ELMO1: variants seen among roughly 807,000 people sequenced by gnomAD.
ELMO1 encodes engulfment and cell motility protein 1.
A neutral mutation model predicts 98.9 loss-of-function variants in ELMO1; 26 were observed. The observed-to-expected ratio is 0.26, with a 90% confidence interval of 0.19 to 0.36. ELMO1 has a LOEUF of 0.36. ELMO1 is among the 10% of genes least tolerant of loss of function. The pLI is 1.00. For synonymous variants in ELMO1, 346 were observed against 346.0 expected (o/e 1.00, Z 0.00); for missense variants, 627 against 935.2 (o/e 0.67, Z 4.30).
chr7:37,395,419 A>G (rs919683920), intron 1 of ELMO1, among the ~76,000 whole-genome samples: 7 of 148,394 alleles, frequency 4.7e-5, no homozygotes, highest in Middle Eastern at 3.2e-3. Flanking sequence ...TCTCAATGCC[A>G]CCTACCATGT....
intron 18 of ELMO1, among the ~76,000 whole-genome samples, chr7:36,880,142 T>C (rs550597841): frequency 2.0e-5 from 3 of 152,212 alleles, no homozygotes; most frequent in Non-Finnish European, 4.4e-5. Context: ...TTGCTGCATC[T>C]AGGTGATACG....
intron 1 of ELMO1, among the ~76,000 whole-genome samples, chr7:37,433,284 G>C (rs1204101401): frequency 1.3e-5 from 2 of 152,220 alleles, no homozygotes; most frequent in Non-Finnish European, 2.9e-5. Context: ...TACTTCTTAT[G>C]GGCTCAGCCT....
chr7:37,406,744 GA>G (rs1185362394), intron 1 of ELMO1, among the ~76,000 whole-genome samples: 1 of 152,058 alleles, frequency 6.6e-6, no homozygotes, highest in African/African-American at 2.4e-5. Context: ...ACCAGGCCAA[GA>G]AAATATTCTT....
intron 7 of ELMO1, among the ~76,000 whole-genome samples, chr7:37,240,857 T>C (rs1380249515): frequency 6.6e-6 from 1 of 152,198 alleles, no homozygotes; most frequent in Non-Finnish European, 1.5e-5. Context: ...TTTTAATCAT[T>C]TGAAAATTCT....
chr7:37,404,151 T>A (rs997531057), intron 1 of ELMO1, among the ~76,000 whole-genome samples: 4 of 152,138 alleles, frequency 2.6e-5, no homozygotes, highest in African/African-American at 9.7e-5. Flanking sequence ...ATTTTTTCTC[T>A]CTAATCAGTC....
At chr7:37,432,701 C>A (rs900911049) in intron 1 of ELMO1, among the ~76,000 whole-genome samples, 3 of 152,180 alleles carry the variant, frequency 2.0e-5, no homozygotes, top group African/African-American at 4.8e-5. Context: ...AATCCCAACC[C>A]CCAATGTGTA....
At chr7:37,300,850 T>C (rs1439265666) in intron 4 of ELMO1, among the ~76,000 whole-genome samples, 2 of 152,090 alleles carry the variant, frequency 1.3e-5, no homozygotes, top group African/African-American at 4.8e-5. Flanking sequence ...ATGGTACCAG[T>C]TCCTCCTTGT....
intron 15 of ELMO1, among the ~76,000 whole-genome samples, chr7:37,021,890 G>T (rs1455257851): frequency 6.6e-6 from 1 of 152,180 alleles, no homozygotes; most frequent in African/African-American, 2.4e-5. Context: ...TAAAATGACA[G>T]CAATGAAGAC....
At chr7:37,387,149 G>T (rs12532031) in intron 1 of ELMO1, among the ~76,000 whole-genome samples, 39,494 of 152,184 alleles carry the variant, frequency 0.26, 5,972 homozygotes, top group Admixed American at 0.33. Context: ...GCAGCTTCTA[G>T]CACAAAGGAT....
At chr7:37,092,439 T>C (rs921574417) in intron 15 of ELMO1, among the ~76,000 whole-genome samples, 4 of 134,310 alleles carry the variant, frequency 3.0e-5, no homozygotes, top group Admixed American at 9.0e-5. Context: ...AGGGCAGTGG[T>C]GCAATCTCAG....
Position 36,969,959 on chromosome 7 carries a change from T to G in ELMO1, c.1437+43340A>C, listed in dbSNP as rs558137795. ...AACAAGATTTCTATTTTTCAAGAATTTACTTTGATGGTTAAATAAAATTAT... is the reference window on the plus strand; with the variant it reads ...AACAAGATTTCTATTTTTCAAGAATGTACTTTGATGGTTAAATAAAATTAT... On this transcript the variant is annotated intron_variant, in intron 16 of 21. Coordinates refer to ENST00000310758, the MANE Select transcript of ELMO1 (RefSeq NM_014800.11). 2.0e-5 allele frequency among the ~76,000 whole-genome samples: 3 copies of G among 152,248 alleles called. No homozygotes were observed. The South Asian group carries it at 6.2e-4, about 32-fold the overall frequency.
intron 2 of ELMO1, among the ~76,000 whole-genome samples, chr7:37,337,064 G>A (rs1275008747): frequency 1.3e-5 from 2 of 152,192 alleles, no homozygotes; most frequent in African/African-American, 4.8e-5. Flanking sequence ...ATACCCAGAG[G>A]ATTATAAATC....
intron 16 of ELMO1, among the ~76,000 whole-genome samples, chr7:36,922,069 T>C (rs532356789): frequency 5.9e-5 from 9 of 152,348 alleles, no homozygotes; most frequent in African/African-American, 2.2e-4. Context: ...AAACAAAGTA[T>C]GGTATCTGTT....
At chr7:37,073,817 A>G (rs1249296927) in intron 15 of ELMO1, among the ~76,000 whole-genome samples, 1 of 151,838 alleles carries the variant, frequency 6.6e-6, no homozygotes, top group African/African-American at 2.4e-5. Flanking sequence ...TCTGGCCTCA[A>G]GAGACCCTCC....
At chr7:37,412,751 GA>G (rs1464779513) in intron 1 of ELMO1, among the ~76,000 whole-genome samples, 1 of 152,128 alleles carries the variant, frequency 6.6e-6, no homozygotes, top group African/African-American at 2.4e-5. Flanking sequence ...CTAGGTCAGA[GA>G]AAAAAGATGC....
intron 15 of ELMO1, among the ~76,000 whole-genome samples, chr7:37,080,436 C>CTTT (rs1192675212): frequency 2.2e-5 from 3 of 136,540 alleles, no homozygotes; most frequent in Admixed American, 7.4e-5. Context: ...CACCATCCCA[C>CTTT]TTTTTTTTTT....
chr7:37,179,697 A>T (rs928169537), intron 13 of ELMO1, among the ~76,000 whole-genome samples: 3 of 152,118 alleles, frequency 2.0e-5, no homozygotes, highest in African/African-American at 4.8e-5. Flanking sequence ...GGCTACATGG[A>T]AACAGTAGAA....
At chr7:36,894,496 T>C (rs887139527) in intron 17 of ELMO1, among the ~76,000 whole-genome samples, 1 of 152,222 alleles carries the variant, frequency 6.6e-6, no homozygotes. Flanking sequence ...TCACAAGGTC[T>C]TGCTATTCAA....
At chr7:37,236,245 CT>C (rs1324288025) in intron 7 of ELMO1, among the ~76,000 whole-genome samples, 1 of 152,182 alleles carries the variant, frequency 6.6e-6, no homozygotes, top group African/African-American at 2.4e-5. Flanking sequence ...GAAAAAAAAG[CT>C]GGAGAGAAGG....
Sources: gnomAD v4.1 joint callset for allele counts (sites outside exome capture counted in the v4.1 genomes callset) on GRCh38, gnomAD v4.1.1 for gene constraint, MANE v1.5 for transcripts, NCBI Gene and HGNC (gene_info 2026-07-23, HGNC 2026-07-21) for gene names.